The following MICU1 variants were observed in gnomAD, a reference collection of about 807,000 sequenced individuals.
The protein encoded by MICU1 is mitochondrial calcium uptake 1.
Under a neutral mutation model 56.8 loss-of-function variants are expected in MICU1, and 45 were observed. The observed-to-expected ratio is 0.79, with a 90% confidence interval of 0.62 to 1.02. The LOEUF is 1.02. MICU1 is among the 50% of genes least tolerant of loss of function. The pLI is 0.00. For missense variants in MICU1, 504 were observed against 587.1 expected (o/e 0.86, Z 1.46); for synonymous variants, 186 against 195.1 (o/e 0.95, Z 0.39).
chr10:72,458,860 G>A (rs1865558064), intron 8 of MICU1, among the ~76,000 whole-genome samples: 1 of 149,806 alleles, frequency 6.7e-6, no homozygotes, highest in African/African-American at 2.5e-5. Context: ...ACAGGTGCAT[G>A]CCACTACACC....
At chr10:72,542,796 T>C (rs529267841) in intron 4 of MICU1, among the ~76,000 whole-genome samples, 5 of 152,334 alleles carry the variant, frequency 3.3e-5, no homozygotes, top group Admixed American at 3.3e-4. Flanking sequence ...AGCTCCTGTC[T>C]GGTGTCCAGG....
intron 1 of MICU1, among the ~76,000 whole-genome samples, chr10:72,604,296 G>A (rs1223944976): frequency 1.3e-4 from 18 of 136,544 alleles, no homozygotes; most frequent in Non-Finnish European, 1.7e-4. Context: ...TTTTTGAGAC[G>A]GAGTTTTGCT....
intron 8 of MICU1, among the ~76,000 whole-genome samples, chr10:72,436,154 C>T (rs1009652892): frequency 6.6e-6 from 1 of 152,218 alleles, no homozygotes; most frequent in Admixed American, 6.5e-5. Flanking sequence ...ACAGACACCT[C>T]ATATAGGCGG....
intron 10 of MICU1, among the ~76,000 whole-genome samples, chr10:72,385,834 T>C (rs1862869318): frequency 6.6e-6 from 1 of 152,130 alleles, no homozygotes; most frequent in Non-Finnish European, 1.5e-5. Flanking sequence ...TAAGAATCCA[T>C]CTTAGCAGAC....
intron 1 of MICU1, among the ~76,000 whole-genome samples, chr10:72,607,396 T>C (rs1841720169): frequency 6.8e-6 from 1 of 147,414 alleles, no homozygotes; most frequent in African/African-American, 2.5e-5. Context: ...ATCCCACCAC[T>C]TGGGGAGGCT....
intron 10 of MICU1, among the ~76,000 whole-genome samples, chr10:72,379,081 C>G (rs1862620357): frequency 6.6e-6 from 1 of 152,184 alleles, no homozygotes; most frequent in African/African-American, 2.4e-5. Flanking sequence ...TTTAGCCTCA[C>G]AAATCTAGAT....
At chr10:72,482,180 G>A (rs17654993) in intron 6 of MICU1, among the ~76,000 whole-genome samples, 4,135 of 152,200 alleles carry the variant, frequency 0.027, 73 homozygotes, top group Middle Eastern at 0.078. Context: ...AAATGCATAA[G>A]GAATGGTACG....
Position 72,418,226 on chromosome 10 carries a change from A to G in MICU1, c.1071+5008T>C, listed in dbSNP as rs183040211. Among the ~76,000 whole-genome samples the G allele has an allele frequency of 1.5e-3, 232 of 152,248 alleles. 7 individuals carry two copies. Among genetic ancestry groups the G allele is most frequent in the Admixed American group, 0.015 (228 of 15,282 alleles). ...ATCTGGGTGGGGACACAGCCAAACC[A>G]TATCACCCTTTAAGAAACACTTCTG... is the stretch of plus-strand genomic sequence containing the variant. On this transcript the variant is annotated intron_variant, in intron 9 of 11. Transcript: ENST00000361114.
At chr10:72,535,366 G>A (rs76976811) in intron 4 of MICU1, among the ~76,000 whole-genome samples, 4,149 of 152,090 alleles carry the variant, frequency 0.027, 183 homozygotes, top group African/African-American at 0.096. Flanking sequence ...GTCAAAAGAT[G>A]AGGATAAGGT....
At chr10:72,494,858 A>AAC (rs1439629355) in intron 6 of MICU1, among the ~76,000 whole-genome samples, 2 of 151,026 alleles carry the variant, frequency 1.3e-5, no homozygotes, top group African/African-American at 4.9e-5. Flanking sequence ...AAAAAAAAAC[A>AAC]AAACAAAAAA....
intron 1 of MICU1, among the ~76,000 whole-genome samples, chr10:72,597,635 TAC>T (rs1197320928): frequency 6.6e-6 from 1 of 152,198 alleles, no homozygotes; most frequent in Non-Finnish European, 1.5e-5. Context: ...TTCAGAAGTG[TAC>T]AGTCATAAAA....
At chr10:72,418,012 T>A (rs1287184455) in intron 9 of MICU1, among the ~76,000 whole-genome samples, 1 of 152,140 alleles carries the variant, frequency 6.6e-6, no homozygotes, top group Non-Finnish European at 1.5e-5. Flanking sequence ...ATATCCTTCT[T>A]CGCATGGCAG....
rs1564904472 is a variant in MICU1 at position 72,500,277 on chromosome 10, T to A, written c.652+7878A>T. On this transcript the variant is annotated intron_variant, in intron 6 of 11. Transcript: ENST00000361114. Reference sequence around the variant, plus strand: ...ACATACATACATATATATATATATATATATATATATATATATATATATATA... The same window carrying A: ...ACATACATACATATATATATATATAAATATATATATATATATATATATATA... 2.2e-3 allele frequency among the ~76,000 whole-genome samples: 20 copies of A among 8,984 alleles called. 2 individuals carry two copies. Among genetic ancestry groups the A allele is most frequent in the South Asian group, 0.019 (6 of 318 alleles). The allele number at this position is 8,984 out of a possible 152,430, so 5.9% of individuals were successfully genotyped here.
At chr10:72,459,965 T>C (rs1414831306) in intron 8 of MICU1, among the ~76,000 whole-genome samples, 1 of 152,178 alleles carries the variant, frequency 6.6e-6, no homozygotes, top group Non-Finnish European at 1.5e-5. Context: ...CTTTTCTCTC[T>C]CCCCTTTCCT....
At chr10:72,530,815 C>T (rs1371442207) in intron 5 of MICU1, among the ~76,000 whole-genome samples, 1 of 151,976 alleles carries the variant, frequency 6.6e-6, no homozygotes, top group Non-Finnish European at 1.5e-5. Flanking sequence ...GTCTTATTTA[C>T]TTCTTACAGG....
chr10:72,622,569 T>C (rs1191238344), intron 1 of MICU1, among the ~76,000 whole-genome samples: 1 of 152,140 alleles, frequency 6.6e-6, no homozygotes, highest in Non-Finnish European at 1.5e-5. Flanking sequence ...CTTCTTGGGT[T>C]TCTGAGGTTG....
rs373713574 is a variant in MICU1 at position 72,535,020 on chromosome 10, AT to A, written c.494-1232del. On this transcript the variant is annotated intron_variant, in intron 4 of 11. Coordinates refer to ENST00000361114, the MANE Select transcript of MICU1 (RefSeq NM_001195518.2). ...CTCCCTCTATTTTTTATTTTATTTT[AT>A]TTTATTTTATTTTATTTATTTATTT... Among the ~76,000 whole-genome samples the A allele has an allele frequency of 1.3e-3, 43 of 33,394 alleles. 1 individual carries two copies. Among genetic ancestry groups the A allele is most frequent in the African/African-American group, 4.9e-3 (42 of 8,524 alleles). The allele number at this position is 33,394 out of a possible 152,430, so 21.9% of individuals were successfully genotyped here. A position where few individuals can be genotyped will look rare whatever the true frequency, so the allele number is the denominator to read the frequency against.
At chr10:72,396,970 A>G (rs1189037819) in intron 10 of MICU1, among the ~76,000 whole-genome samples, 1 of 152,206 alleles carries the variant, frequency 6.6e-6, no homozygotes, top group African/African-American at 2.4e-5. Flanking sequence ...AGGGACCCCA[A>G]GACACAGTTG....
rs994819229 is a variant in MICU1, at chr10:72,618,746, T to C, written c.-2+7264A>G. Among the ~76,000 whole-genome samples the C allele has an allele frequency of 1.6e-4, 25 of 152,332 alleles. 1 individual carries two copies. Among genetic ancestry groups the C allele is most frequent in the Admixed American group, 1.3e-3 (20 of 15,294 alleles). On this transcript the variant is annotated intron_variant, in intron 1 of 11. Transcript: ENST00000361114. ...ATCACAGCTCTTGTCAAGTAGAACA[T>C]GTTGTGATGACAGAAATATTTTGTA...
Sources: allele counts gnomAD v4.1 joint callset (sites outside exome capture counted in the v4.1 genomes callset), GRCh38; gene constraint gnomAD v4.1.1; transcripts MANE v1.5; gene names NCBI Gene and HGNC (gene_info 2026-07-23, HGNC 2026-07-21).